PLCG2: variants seen among roughly 807,000 people sequenced by gnomAD.
PLCG2 encodes the protein phospholipase C gamma 2.
Under a neutral mutation model 175.6 loss-of-function variants are expected in PLCG2, and 69 were observed. That is an observed-to-expected ratio of 0.39 (90% CI 0.32 to 0.48). The LOEUF (loss-of-function observed/expected upper bound fraction) is 0.48. Among genes scored for constraint, PLCG2 ranks in the 20% least tolerant of loss-of-function variants. PLCG2 has a pLI of 0.91. For synonymous variants in PLCG2, 827 were observed against 624.0 expected, an observed-to-expected ratio of 1.33 and a Z score of -4.85; for missense variants, 1,798 against 1,650.9, an observed-to-expected ratio of 1.09 and a Z score of -1.54.
chr16:81,778,586 G>T (rs929079746), upstream of PLCG2, among the ~76,000 whole-genome samples: 2 of 152,116 alleles, frequency 1.3e-5, no homozygotes, highest in Admixed American at 1.3e-4. Flanking sequence ...TCAGGAAAAC[G>T]GGACATCAAT....
chr16:81,754,289 A>ACCTCCTTCCCTCGCCTCCCCC, intron 1 of PLCG2, among the ~76,000 whole-genome samples: 1 of 12,544 alleles, frequency 8.0e-5, no homozygotes, highest in African/African-American at 3.4e-4. Flanking sequence ...TCCCCTCCCC[A>ACCTCCTTCCCTCGCCTCCCCC]CCTCCTTCCC....
chr16:81,912,023 T>G lies in PLCG2; in HGVS notation c.1935-574T>G, dbSNP rs1403054674. Reference sequence around the variant, plus strand: ...CGTGTTAGCCAGGATGATCTCGATCTCCTGACCTCATGATCCACCCGCCTC... The same window carrying G: ...CGTGTTAGCCAGGATGATCTCGATCGCCTGACCTCATGATCCACCCGCCTC... On this transcript the variant is annotated intron_variant, in intron 18 of 32. Coordinates refer to ENST00000564138, the MANE Select transcript of PLCG2 (RefSeq NM_002661.5). Among the ~76,000 whole-genome samples the G allele has an allele frequency of 2.0e-5, 3 of 152,104 alleles. No individual in the cohort carries two copies. In the East Asian group the frequency reaches 5.8e-4, roughly 29 times the overall value.
intron 2 of PLCG2, among the ~76,000 whole-genome samples, chr16:81,807,517 G>T (rs150685966): frequency 0.011 from 1,639 of 152,310 alleles, 15 homozygotes; most frequent in Middle Eastern, 0.027. Context: ...CACCATAAGA[G>T]CTGACATTTA....
chr16:81,778,031 A>AAACACC (rs1910498260), upstream of PLCG2, among the ~76,000 whole-genome samples: 1 of 65,336 alleles, frequency 1.5e-5, no homozygotes, highest in African/African-American at 6.5e-5. Flanking sequence ...AAAAAAAAAA[A>AAACACC]CAAAAAAAAA....
intron 2 of PLCG2, among the ~76,000 whole-genome samples, chr16:81,840,656 C>T (rs143862574): frequency 9.9e-5 from 15 of 152,256 alleles, no homozygotes; most frequent in East Asian, 7.7e-4. Context: ...AATCTAACGC[C>T]GCTGATGATC....
intron 2 of PLCG2, among the ~76,000 whole-genome samples, chr16:81,820,253 C>T (rs1029405441): frequency 6.6e-6 from 1 of 152,192 alleles, no homozygotes; most frequent in African/African-American, 2.4e-5. Context: ...AATTGAGACA[C>T]AGAACACCTT....
intron 5 of PLCG2, among the ~76,000 whole-genome samples, chr16:81,864,033 G>A (rs566854480): frequency 3.9e-5 from 6 of 152,326 alleles, no homozygotes; most frequent in African/African-American, 1.4e-4. Flanking sequence ...CTCTGGCGTT[G>A]CAAATTTTTT....
intron 1 of PLCG2, among the ~76,000 whole-genome samples, chr16:81,745,464 C>G (rs1272377172): frequency 6.6e-6 from 1 of 152,116 alleles, no homozygotes; most frequent in African/African-American, 2.4e-5. Context: ...GGGTTGCATT[C>G]AACATATTTA....
At chr16:81,803,703 C>G (rs1911864044) in intron 2 of PLCG2, among the ~76,000 whole-genome samples, 1 of 125,954 alleles carries the variant, frequency 7.9e-6, no homozygotes, top group South Asian at 2.9e-4. Context: ...TCTTTACTCT[C>G]TACAGTCTCA....
chr16:81,831,547 C>G (rs1442095661), intron 2 of PLCG2, among the ~76,000 whole-genome samples: 1 of 152,226 alleles, frequency 6.6e-6, no homozygotes, highest in East Asian at 1.9e-4. Flanking sequence ...ATTTGAACCT[C>G]ATCCAACCCC....
intron 5 of PLCG2, among the ~76,000 whole-genome samples, chr16:81,863,251 C>T (rs1490462993): frequency 6.6e-6 from 1 of 152,268 alleles, no homozygotes; most frequent in Non-Finnish European, 1.5e-5. Context: ...CTGTCTGTCT[C>T]TCTGGATTGG....
intron 14 of PLCG2, among the ~76,000 whole-genome samples, chr16:81,901,441 T>C (rs1909146810): frequency 6.6e-6 from 1 of 152,262 alleles, no homozygotes; most frequent in Non-Finnish European, 1.5e-5. Context: ...CTGTGAGTTT[T>C]GAGCTCTAGC....
At chr16:81,771,713 C>CT (rs1910285900) in intron 2 of PLCG2, among the ~76,000 whole-genome samples, 1 of 77,808 alleles carries the variant, frequency 1.3e-5, no homozygotes, top group Admixed American at 1.8e-4. Flanking sequence ...AACAAAAAAA[C>CT]TAAGTCCTAA....
At chr16:81,828,399 G>A (rs557257157) in intron 2 of PLCG2, among the ~76,000 whole-genome samples, 13 of 151,656 alleles carry the variant, frequency 8.6e-5, no homozygotes, top group South Asian at 2.1e-4. Context: ...CACCACGCCC[G>A]GCTAATTTTT....
At position 81,859,030 on chromosome 16, in the gene PLCG2, G is replaced by C. The variant is rs533300322; in HGVS notation, c.432-86G>C. The C allele has an allele frequency of 8.4e-4, 674 of 802,436 alleles. 7 individuals carry two copies. In the Middle Eastern group the frequency reaches 9.3e-3, roughly 11 times the overall value. The allele number at this position is 802,436 out of a possible 1,614,324, so 49.7% of individuals were successfully genotyped here. A position where few individuals can be genotyped will look rare whatever the true frequency, so the allele number is the denominator to read the frequency against. ...CCTCCTTTTGGTTCCAGTTCCTTTT[G>C]TGCACATTCCGTAGGACTCACTTAG... On this transcript the variant is annotated intron_variant, in intron 4 of 32. Coordinates refer to ENST00000564138, the MANE Select transcript of PLCG2 (RefSeq NM_002661.5).
intron 28 of PLCG2, 68 bp downstream of exon 28, chr16:81,937,971 C>G: frequency 6.6e-7 from 1 of 1,509,522 alleles, no homozygotes; most frequent in Non-Finnish European, 9.1e-7. Context: ...CCGATGCTGT[C>G]TTGAGAGCAG....
intron 2 of PLCG2, among the ~76,000 whole-genome samples, chr16:81,809,140 C>T (rs575284315): frequency 1.3e-5 from 2 of 152,264 alleles, no homozygotes; most frequent in Non-Finnish European, 2.9e-5. Flanking sequence ...GCTTTTGTGG[C>T]AGGGAACTGA....
intron 7 of PLCG2, among the ~76,000 whole-genome samples, chr16:81,873,126 C>T (rs1907598664): frequency 6.6e-6 from 1 of 152,186 alleles, no homozygotes; most frequent in African/African-American, 2.4e-5. Context: ...AGAAAGATTG[C>T]AGGCTTGGGA....
At chr16:81,901,192 G>T (rs1226452488) in intron 14 of PLCG2, among the ~76,000 whole-genome samples, 1 of 152,124 alleles carries the variant, frequency 6.6e-6, no homozygotes, top group African/African-American at 2.4e-5. Context: ...CAGCGACCTG[G>T]GTGCTGTTCC....
Sources: gnomAD v4.1 joint callset for allele counts (sites outside exome capture counted in the v4.1 genomes callset) on GRCh38, gnomAD v4.1.1 for gene constraint, MANE v1.5 for transcripts, NCBI Gene and HGNC (gene_info 2026-07-23, HGNC 2026-07-21) for gene names.